SSBP3: variants seen among roughly 807,000 people sequenced by gnomAD.
The protein encoded by SSBP3 is single stranded DNA binding protein 3, also known as single-stranded DNA-binding protein 3.
Under a neutral mutation model 69.6 loss-of-function variants are expected in SSBP3, and 5 were observed. The observed-to-expected ratio is 0.07, with a 90% CI of 0.04 to 0.15. The LOEUF is 0.15. Ranked by LOEUF, SSBP3 falls within the 10% of genes least tolerant of loss-of-function variation. SSBP3 has a pLI of 1.00. For missense variants in SSBP3, 312 were observed against 534.0 expected (o/e 0.58, Z 4.10); for synonymous variants, 196 against 193.4 (o/e 1.01, Z -0.11).
At chr1:54,321,073 T>C (rs1229747988) in intron 4 of SSBP3, among the ~76,000 whole-genome samples, 2 of 152,092 alleles carry the variant, frequency 1.3e-5, no homozygotes, top group African/African-American at 4.8e-5. Context: ...TAAGGGAACA[T>C]GGTATAGCCA....
exon 5 of SSBP3, chr1:54,281,526 C>G: frequency 6.4e-7 from 1 of 1,560,534 alleles, no homozygotes; most frequent in Non-Finnish European, 8.7e-7. Flanking sequence ...AGCTGCTGCA[C>G]TCTGTGGAGA....
chr1:54,256,820 T>G (rs544286047), intron 7 of SSBP3, among the ~76,000 whole-genome samples: 2 of 152,126 alleles, frequency 1.3e-5, no homozygotes, highest in African/African-American at 2.4e-5. Flanking sequence ...GGGCAGGGCA[T>G]TACCATCTTC....
chr1:54,381,918 G>C (rs1647684417), intron 4 of SSBP3, among the ~76,000 whole-genome samples: 1 of 152,244 alleles, frequency 6.6e-6, no homozygotes, highest in Non-Finnish European at 1.5e-5. Flanking sequence ...GTTAGGCTGG[G>C]CATGGTGGCT....
intron 4 of SSBP3, among the ~76,000 whole-genome samples, chr1:54,347,491 A>G (rs965575794): frequency 1.3e-5 from 2 of 151,774 alleles, no homozygotes; most frequent in Non-Finnish European, 2.9e-5. Flanking sequence ...ATTAGTCACT[A>G]CACCAGGCCT....
exon 1 of SSBP3, chr1:54,406,030 C>G (rs1183248070): frequency 7.1e-7 from 1 of 1,413,520 alleles, no homozygotes; most frequent in Non-Finnish European, 9.4e-7. Flanking sequence ...AAGAGGGCGC[C>G]GAGCCTCGCC....
intron 4 of SSBP3, among the ~76,000 whole-genome samples, chr1:54,328,835 C>T (rs1242840313): frequency 3.3e-5 from 5 of 152,190 alleles, no homozygotes; most frequent in Admixed American, 6.5e-5. Flanking sequence ...GGAAATGAAG[C>T]TCTGGCCACA....
At chr1:54,324,787 T>G (rs2100402683) in intron 4 of SSBP3, among the ~76,000 whole-genome samples, 1 of 152,350 alleles carries the variant, frequency 6.6e-6, no homozygotes, top group Non-Finnish European at 1.5e-5. Context: ...CGCTGTGATT[T>G]AGTACGCTGG....
chr1:54,349,777 G>T (rs548016462), intron 4 of SSBP3, among the ~76,000 whole-genome samples: 1 of 150,796 alleles, frequency 6.6e-6, no homozygotes, highest in Non-Finnish European at 1.5e-5. Context: ...AATGCCTCCC[G>T]CTTCAGCTGG....
intron 4 of SSBP3, among the ~76,000 whole-genome samples, chr1:54,380,014 AG>A (rs1295703558): frequency 1.3e-5 from 2 of 152,240 alleles, no homozygotes; most frequent in African/African-American, 4.8e-5. Context: ...GGCCTCTGTT[AG>A]CGGAAAGAGC....
chr1:54,313,418 G>A (rs1051205826), intron 4 of SSBP3, among the ~76,000 whole-genome samples: 23 of 146,620 alleles, frequency 1.6e-4, no homozygotes, highest in Admixed American at 9.6e-4. Flanking sequence ...GGCTCACACC[G>A]AAGCTGTGTG....
chr1:54,294,393 G>A (rs4927084), intron 4 of SSBP3, among the ~76,000 whole-genome samples: 99,424 of 151,576 alleles, frequency 0.66, 33,011 homozygotes, highest in East Asian at 0.85. Flanking sequence ...CCTCACAAAC[G>A]ACTTGGGCAG....
chr1:54,389,572 A>G (rs1200168258), intron 4 of SSBP3, among the ~76,000 whole-genome samples: 1 of 152,096 alleles, frequency 6.6e-6, no homozygotes, highest in Non-Finnish European at 1.5e-5. Flanking sequence ...AAGATGCCAA[A>G]TCTGGGCCAG....
chr1:54,356,280 G>T (rs1244807872), intron 4 of SSBP3: 1 of 152,308 alleles, frequency 6.6e-6, no homozygotes, highest in South Asian at 2.1e-4. Context: ...CCAGCAGCCA[G>T]GGGGAGGGGT....
chr1:54,251,534 A>G, intron 9 of SSBP3, 82 bp downstream of exon 9: 2 of 1,398,342 alleles, frequency 1.4e-6, no homozygotes, highest in Non-Finnish European at 2.0e-6. Flanking sequence ...GATGTGGGAG[A>G]CTGACAGAGC....
chr1:54,370,869 G>C (rs1647120829), intron 4 of SSBP3, among the ~76,000 whole-genome samples: 1 of 151,864 alleles, frequency 6.6e-6, no homozygotes, highest in South Asian at 2.1e-4. Context: ...TTTTAGACTT[G>C]GGAACGGTTC....
chr1:54,251,498 C>T (rs1644827976), intron 9 of SSBP3, 118 bp downstream of exon 9: 2 of 1,142,622 alleles, frequency 1.8e-6, no homozygotes, highest in Admixed American at 4.6e-5. Context: ...CGGCCATGCC[C>T]TTCCTCTCAC....
chr1:54,320,371 G>A (rs186512254), intron 4 of SSBP3, among the ~76,000 whole-genome samples: 7 of 152,300 alleles, frequency 4.6e-5, no homozygotes, highest in Admixed American at 4.6e-4. Context: ...TGTCTGGAGT[G>A]CAATGACGCG....
chr1:54,257,623 CAG>C (rs1049323461), intron 6 of SSBP3, among the ~76,000 whole-genome samples: 3 of 151,988 alleles, frequency 2.0e-5, no homozygotes, highest in Admixed American at 6.6e-5. Context: ...CCAGCAGGGA[CAG>C]AGAGGGGAGC....
intron 4 of SSBP3, among the ~76,000 whole-genome samples, chr1:54,301,525 T>C (rs911063441): frequency 2.4e-4 from 36 of 152,172 alleles, no homozygotes; most frequent in Non-Finnish European, 3.8e-4. Context: ...AATTACTCCC[T>C]TTCTTGTTTG....
Sources: allele counts gnomAD v4.1 joint callset (sites outside exome capture counted in the v4.1 genomes callset), GRCh38; gene constraint gnomAD v4.1.1; transcripts MANE v1.5; gene names NCBI Gene and HGNC (gene_info 2026-07-23, HGNC 2026-07-21).